OS9: variants seen among roughly 807,000 people sequenced by gnomAD.
OS9 encodes the protein OS9 endoplasmic reticulum lectin.
Under a neutral mutation model 84.7 loss-of-function variants are expected in OS9, and 58 were observed. The observed-to-expected ratio is 0.68, with a 90% CI of 0.55 to 0.85. The LOEUF is 0.85. Among genes scored for constraint, OS9 ranks in the 40% least tolerant of loss-of-function variants. The pLI is 0.00. For missense variants in OS9, 760 were observed against 850.9 expected, an observed-to-expected ratio of 0.89 and a Z score of 1.33; for synonymous variants, 278 against 320.8, an observed-to-expected ratio of 0.87 and a Z score of 1.43.
At chr12:57,718,952 C>T (rs1188706186) in intron 11 of OS9, 41 bp from the exon 12 acceptor site, 3 of 1,521,746 alleles carry the variant, frequency 2.0e-6, no homozygotes, top group South Asian at 2.3e-5. Context: ...TGCCTCCACA[C>T]CCCAGACCCT....
chr12:57,716,424 C>A lies in OS9; in HGVS notation c.905C>A (p.Thr302Asn), dbSNP rs775919197. 7 of 1,558,292 alleles carry A rather than the reference C, an allele frequency of 4.5e-6. No homozygotes were observed. The South Asian group carries it at 8.3e-5, about 18-fold the overall frequency. The stretch of plus-strand genomic sequence containing the variant: ...CTCTGTACCCTAGGTGCGAGCCCGA[C>A]CAAGGATGACAGTAAGGACTCAGAT... ...APQKMAGASP[T>N]KDDSKDSDFW... is the part of the protein sequence containing the mutation. Residue 302 changes from threonine to asparagine, a missense_variant, in exon 8 of 15, where the codon ACC (threonine) becomes AAC (asparagine). Physicochemically the swap from Thr to Asn is moderately conservative, Grantham distance 65. Coordinates refer to ENST00000315970, the MANE Select transcript of OS9 (RefSeq NM_006812.4).
intron 9 of OS9, among the ~76,000 whole-genome samples, chr12:57,716,998 C>A (rs977780855): frequency 6.6e-6 from 1 of 152,198 alleles, no homozygotes; most frequent in African/African-American, 2.4e-5. Context: ...AGGGTAATAA[C>A]CCCTACCTTA....
chr12:57,696,819 C>T lies in OS9; in HGVS notation c.579+446C>T, dbSNP rs116259761. ...TCAAAAAAGAAAAGAAAAAAAAAAA[C>T]CCACATTATTTCCAGGCCGGGCACG... On this transcript the variant is annotated intron_variant, in intron 5 of 14. Coordinates refer to ENST00000315970, the MANE Select transcript of OS9 (RefSeq NM_006812.4). Among the ~76,000 whole-genome samples, 1,211 of 150,704 alleles carry T rather than the reference C, an allele frequency of 8.0e-3. 15 individuals are homozygous for T. The highest frequency in any genetic ancestry group is 0.028 in the African/African-American group (1,161 of 41,050).
Position 57,718,434 on chromosome 12 carries a change from C to T in OS9, c.1410+13C>T. The T allele has an allele frequency of 6.2e-7, 1 of 1,609,154 alleles. No homozygotes were observed. The highest frequency in any genetic ancestry group is 2.2e-5 in the East Asian group (1 of 44,872). Reference sequence around the variant, plus strand: ...CATCATCCAGGAGGCAAGCCCAGCTCTTCCTCCTGTTGCTTCCACAGCCGC... The same window carrying T: ...CATCATCCAGGAGGCAAGCCCAGCTTTTCCTCCTGTTGCTTCCACAGCCGC... On this transcript the variant is annotated intron_variant, in intron 11 of 14. Transcript: ENST00000315970.
chr12:57,714,161 A>G (rs1257682461), intron 5 of OS9, among the ~76,000 whole-genome samples: 1 of 151,822 alleles, frequency 6.6e-6, no homozygotes, highest in East Asian at 1.9e-4. Context: ...TTCATTTGTT[A>G]TATGTCCTTA....
At chr12:57,700,092 CAAAAAAGAA>C (rs1225203266) in intron 5 of OS9, among the ~76,000 whole-genome samples, 1 of 143,408 alleles carries the variant, frequency 7.0e-6, no homozygotes, top group Non-Finnish European at 1.5e-5. Flanking sequence ...GAGACTGTCT[CAAAAAAGAA>C]AAAAAAGAAA....
At chr12:57,694,981 A>G in intron 2 of OS9, 55 bp downstream of exon 2, 2 of 1,510,892 alleles carry the variant, frequency 1.3e-6, no homozygotes, top group Non-Finnish European at 1.8e-6. Context: ...AGTTCATCCA[A>G]GAACTGGAGT....
intron 5 of OS9, among the ~76,000 whole-genome samples, chr12:57,698,785 G>A (rs1318298029): frequency 6.6e-6 from 1 of 152,204 alleles, no homozygotes; most frequent in African/African-American, 2.4e-5. Context: ...GAAGAGGAGT[G>A]TAGGAGATGA....
At chr12:57,695,904 CCCTCCT>C in intron 3 of OS9, 52 bp from the exon 4 acceptor site, 1 of 1,543,814 alleles carries the variant, frequency 6.5e-7, no homozygotes. Context: ...TTCCCCAGTT[CCCTCCT>C]CCTCCTCCTC....
At chr12:57,705,622 G>A (rs763815080) in intron 5 of OS9, among the ~76,000 whole-genome samples, 3 of 152,052 alleles carry the variant, frequency 2.0e-5, no homozygotes, top group Non-Finnish European at 4.4e-5. Flanking sequence ...TGCCTCCCAG[G>A]TTCAAGTGAT....
intron 5 of OS9, among the ~76,000 whole-genome samples, chr12:57,714,064 G>T (rs1404311699): frequency 6.6e-6 from 1 of 151,568 alleles, no homozygotes; most frequent in Non-Finnish European, 1.5e-5. Flanking sequence ...CTGTGATCAT[G>T]CCACTGCACT....
At chr12:57,713,520 G>A (rs1954392040) in intron 5 of OS9, among the ~76,000 whole-genome samples, 1 of 151,512 alleles carries the variant, frequency 6.6e-6, no homozygotes, top group South Asian at 2.1e-4. Flanking sequence ...TGCACTTGAG[G>A]TAAAGCCTCT....
In OS9 at chr12:57,696,010, C is replaced by G. The variant is rs1172162903; in HGVS notation, c.452C>G (p.Ala151Gly). The G allele has an allele frequency of 3.1e-6, 5 of 1,613,490 alleles. No individual in the cohort carries two copies. Among genetic ancestry groups the G allele is most frequent in the Admixed American group, 3.3e-5 (2 of 60,012 alleles). ...CTCTATCTCGGCTACTACCAATCAG[C>G]CTTCGACTGGGATGATGAAACAGCC... The part of the protein sequence containing the change: ...EVLYLGYYQS[A>G]FDWDDETAKA... The change falls in exon 4 of 15, where the codon GCC (alanine) becomes GGC (glycine). Residue 151 changes from alanine (A) to glycine (G), a missense_variant. Coordinates refer to ENST00000315970, the MANE Select transcript of OS9 (RefSeq NM_006812.4).
intron 5 of OS9, among the ~76,000 whole-genome samples, chr12:57,713,734 T>A (rs572812582): frequency 7.1e-4 from 104 of 146,162 alleles, no homozygotes; most frequent in African/African-American, 2.5e-3. Context: ...GCTTACCTGC[T>A]GGAGTGGAGC....
chr12:57,720,689 G>T (rs1954654757), intron 14 of OS9, 95 bp from the exon 15 acceptor site: 1 of 1,463,382 alleles, frequency 6.8e-7, no homozygotes, highest in Admixed American at 1.9e-5. Context: ...GGACATGGGT[G>T]TCCTCATTCC....
intron 3 of OS9, 45 bp downstream of exon 3, chr12:57,695,888 T>C: frequency 6.4e-7 from 1 of 1,573,588 alleles, no homozygotes; most frequent in Non-Finnish European, 8.7e-7. Context: ...TGTCATATCA[T>C]GGAAGTTCCC....
Position 57,695,813 on chromosome 12 carries a change from G to A in OS9, c.373G>A (p.Gly125Arg), listed in dbSNP as rs377534425. 36 of 1,611,922 alleles carry A rather than the reference G, an allele frequency of 2.2e-5. No homozygotes were observed. The highest frequency in any genetic ancestry group is 4.5e-5 in the East Asian group (2 of 44,888). Residue 125 changes from glycine (G) to arginine (R), a missense_variant, in exon 3 of 15, where the codon GGA (glycine) becomes AGA (arginine). Coordinates refer to ENST00000315970, the MANE Select transcript of OS9 (RefSeq NM_006812.4). The stretch of plus-strand genomic sequence containing the variant: ...CTGGTGGACATATGAATTCTGTTAT[G>A]GACGCCACATCCAGCAATACCACAT... ...KDWWTYEFCY[G>R]RHIQQYHMED...
chr12:57,719,589 A>G, intron 12 of OS9: 1 of 207,296 alleles, frequency 4.8e-6, no homozygotes, highest in East Asian at 1.3e-4. Context: ...CACATGAGCC[A>G]ATAGCTTGGA....
intron 1 of OS9, 142 bp downstream of exon 1, chr12:57,694,465 G>T (rs1953763046): frequency 4.3e-6 from 4 of 939,540 alleles, no homozygotes; most frequent in Admixed American, 2.6e-5. Flanking sequence ...TGACCCCTGG[G>T]GGTCGCAGAC....
Sources: allele counts gnomAD v4.1 joint callset (sites outside exome capture counted in the v4.1 genomes callset), GRCh38; gene constraint gnomAD v4.1.1; transcripts MANE v1.5; gene names NCBI Gene and HGNC (gene_info 2026-07-23, HGNC 2026-07-21).